DMD: variants seen among roughly 807,000 people sequenced by gnomAD.
DMD encodes mutant dystrophin.
Under a neutral mutation model 330.1 loss-of-function variants are expected in DMD, and 63 were observed. The observed-to-expected ratio is 0.19, with a 90% CI of 0.16 to 0.24. The LOEUF is 0.24. DMD is among the 10% of genes least tolerant of loss of function. DMD has a pLI of 1.00. For missense variants in DMD, 3,344 were observed against 2,684.1 expected (o/e 1.25, Z -5.43); for synonymous variants, 1,223 against 959.8 (o/e 1.27, Z -5.07).
At chrX:31,976,331 T>G (rs1388070167) in intron 44 of DMD, among the ~76,000 whole-genome samples, 2 of 111,286 alleles carry the variant, frequency 1.8e-5, no homozygotes, top group Non-Finnish European at 3.8e-5. Flanking sequence ...AAAATATAAC[T>G]GAGAGCATTA....
rs764129742 is a variant in DMD at position 33,314,559 on chromosome X, G to GTTTT, written c.7+24696_7+24699dup. 5.4e-4 allele frequency among the ~76,000 whole-genome samples: 31 copies of GTTTT among 57,471 alleles called. 2 individuals are homozygous for GTTTT. The highest frequency in any genetic ancestry group is 1.3e-3 in the African/African-American group (19 of 14,918). The allele number at this position is 57,471 out of a possible 115,157, so 49.9% of individuals were successfully genotyped here. A position where few individuals can be genotyped will look rare whatever the true frequency, so the allele number is the denominator to read the frequency against. On this transcript the variant is annotated intron_variant, in intron 1 of 17. Transcript: ENST00000288447. ...ATGCGTGATCCACTGTGCCCAGCCT[G>GTTTT]TTTTTTTTTTGTTTTTTTTTTTTTT...
chrX:32,871,046 A>G (rs780761042), intron 2 of DMD, among the ~76,000 whole-genome samples: 10 of 107,652 alleles, frequency 9.3e-5, no homozygotes, highest in African/African-American at 3.4e-4. Flanking sequence ...CAATCTATTT[A>G]CCATTAACAA....
At chrX:31,841,111 G>A (rs1467575555) in intron 48 of DMD, among the ~76,000 whole-genome samples, 2 of 111,842 alleles carry the variant, frequency 1.8e-5, no homozygotes, top group Non-Finnish European at 3.8e-5. Flanking sequence ...AAAATTAAAA[G>A]TGCCAGTCTA....
chrX:31,758,039 A>C (rs1327844805), intron 51 of DMD, among the ~76,000 whole-genome samples: 1 of 110,469 alleles, frequency 9.1e-6, no homozygotes, highest in Non-Finnish European at 1.9e-5. Flanking sequence ...CGTTGACCCC[A>C]AGAACACTCC....
chrX:32,988,314 C>G (rs1367508202), intron 2 of DMD, among the ~76,000 whole-genome samples: 2 of 111,709 alleles, frequency 1.8e-5, no homozygotes, highest in Non-Finnish European at 3.8e-5. Flanking sequence ...TTCCAGAAAT[C>G]ACTAAAATGG....
At chrX:32,536,794 C>A (rs1227493046) in intron 17 of DMD, among the ~76,000 whole-genome samples, 1 of 111,138 alleles carries the variant, frequency 9.0e-6, no homozygotes, top group Non-Finnish European at 1.9e-5. Context: ...GGGAGTGAAG[C>A]TGGAGAGGTA....
intron 7 of DMD, among the ~76,000 whole-genome samples, chrX:32,783,373 TAC>T (rs1277169834): frequency 1.9e-5 from 2 of 104,713 alleles, no homozygotes; most frequent in Non-Finnish European, 3.9e-5. Context: ...CACATATATA[TAC>T]ACATATATAC....
chrX:32,875,381 C>A (rs1051555719), intron 2 of DMD, among the ~76,000 whole-genome samples: 1 of 112,000 alleles, frequency 8.9e-6, no homozygotes, highest in African/African-American at 3.3e-5. Flanking sequence ...ACTGCTATAA[C>A]CTTAGGATAC....
chrX:32,393,842 G>C (rs2098021238), intron 30 of DMD, among the ~76,000 whole-genome samples: 1 of 110,227 alleles, frequency 9.1e-6, no homozygotes, highest in Admixed American at 9.7e-5. Flanking sequence ...GAGAGAGAGA[G>C]GTCAACAGTG....
rs140148990 is a variant in DMD, at chrX:32,470,711, T to C, written c.2949+1453A>G. Among the ~76,000 whole-genome samples, 411 of 111,516 alleles carry C rather than the reference T, an allele frequency of 3.7e-3. 9 individuals carry two copies. The East Asian group carries it at 0.073, about 20-fold the overall frequency. On this transcript the variant is annotated intron_variant, in intron 22 of 78. Transcript: ENST00000357033. The stretch of plus-strand genomic sequence containing the variant: ...CCACAACAAAAGGAAACAAAAAAGG[T>C]GAAACAGCTACCATTTGGTATTGTA...
At chrX:32,292,197 C>T (rs1263593705) in intron 42 of DMD, among the ~76,000 whole-genome samples, 1 of 109,908 alleles carries the variant, frequency 9.1e-6, no homozygotes, top group Non-Finnish European at 1.9e-5. Context: ...ACATCTTGCC[C>T]TGAGATGCTT....
chrX:31,471,696 C>T lies in DMD; in HGVS notation c.8937+6410G>A, dbSNP rs1318677702. Reference sequence around the variant, plus strand: ...CCCTAGATATTCTATTGAAAAGCTACTGAAAGTAAATCAATATATATGAAT... The same window carrying T: ...CCCTAGATATTCTATTGAAAAGCTATTGAAAGTAAATCAATATATATGAAT... On this transcript the variant is annotated intron_variant, in intron 59 of 78. Coordinates refer to ENST00000357033, the MANE Select transcript of DMD (RefSeq NM_004006.3). 4.4e-5 allele frequency among the ~76,000 whole-genome samples: 5 copies of T among 112,473 alleles called. No individual in the cohort carries two copies. In the East Asian group the frequency reaches 1.4e-3, roughly 31 times the overall value.
intron 2 of DMD, among the ~76,000 whole-genome samples, chrX:32,875,191 A>G (rs751752416): frequency 8.9e-6 from 1 of 111,985 alleles, no homozygotes; most frequent in Non-Finnish European, 1.9e-5. Flanking sequence ...CGAGACCTTG[A>G]TACATGTCCC....
At chrX:32,672,845 C>A (rs1292967684) in intron 9 of DMD, among the ~76,000 whole-genome samples, 3 of 110,580 alleles carry the variant, frequency 2.7e-5, no homozygotes, top group Admixed American at 9.7e-5. Flanking sequence ...GCCAAAAGAG[C>A]CACTGAGATA....
At chrX:31,642,423 T>C (rs984120657) in intron 54 of DMD, among the ~76,000 whole-genome samples, 3 of 112,241 alleles carry the variant, frequency 2.7e-5, no homozygotes, top group African/African-American at 9.7e-5. Flanking sequence ...TCTTGTGCTG[T>C]CATGATTTTC....
chrX:31,604,757 G>A (rs1243874504), intron 55 of DMD, among the ~76,000 whole-genome samples: 1 of 111,905 alleles, frequency 8.9e-6, no homozygotes, highest in African/African-American at 3.2e-5. Flanking sequence ...CAGGGAAAAA[G>A]AGTGAGTTGA....
chrX:32,746,976 G>T (rs1487489886), intron 7 of DMD, among the ~76,000 whole-genome samples: 1 of 111,602 alleles, frequency 9.0e-6, no homozygotes, highest in Non-Finnish European at 1.9e-5. Context: ...CTTCGTGCCC[G>T]ACTTATTTCA....
At chrX:32,192,424 C>A (rs1320142388) in intron 44 of DMD, among the ~76,000 whole-genome samples, 1 of 111,591 alleles carries the variant, frequency 9.0e-6, no homozygotes, top group Admixed American at 9.5e-5. Flanking sequence ...AGCCAATGAA[C>A]AGAGAGAGCA....
At chrX:33,083,744 C>G (rs1240041129) in intron 1 of DMD, among the ~76,000 whole-genome samples, 1 of 111,634 alleles carries the variant, frequency 9.0e-6, no homozygotes, top group Non-Finnish European at 1.9e-5. Flanking sequence ...TATGAGAAAC[C>G]TCCTCAAAAT....
Sources: allele counts gnomAD v4.1 joint callset (sites outside exome capture counted in the v4.1 genomes callset), GRCh38; gene constraint gnomAD v4.1.1; transcripts MANE v1.5; gene names NCBI Gene and HGNC (gene_info 2026-07-23, HGNC 2026-07-21).